Variants in PLCB4 observed in about 807,000 individuals in gnomAD.
PLCB4 encodes phospholipase C beta 4, also known as 1-phosphatidylinositol 4,5-bisphosphate phosphodiesterase beta-4.
A neutral mutation model predicts 178.8 loss-of-function variants in PLCB4; 77 were observed. The observed-to-expected ratio is 0.43, with a 90% CI of 0.36 to 0.52. The LOEUF (loss-of-function observed/expected upper bound fraction) is 0.52. Among genes scored for constraint, PLCB4 ranks in the 20% least tolerant of loss-of-function variants. The pLI is 0.00. For synonymous variants in PLCB4, 496 were observed against 490.8 expected (o/e 1.01, Z -0.14); for missense variants, 1,024 against 1,453.4 (o/e 0.70, Z 4.80).
At chr20:9,256,895 G>C (rs896436162) in intron 3 of PLCB4, among the ~76,000 whole-genome samples, 2 of 152,184 alleles carry the variant, frequency 1.3e-5, no homozygotes, top group African/African-American at 4.8e-5. Context: ...AGTATGCTGA[G>C]TAGCAAGGCT....
intron 3 of PLCB4, among the ~76,000 whole-genome samples, chr20:9,258,428 A>G (rs1569030364): frequency 6.6e-6 from 1 of 152,062 alleles, no homozygotes; most frequent in Non-Finnish European, 1.5e-5. Context: ...CACAAAGATA[A>G]TTTCTAGGCC....
chr20:9,075,142 A>AATTAATC (rs900904232), intron 1 of PLCB4, among the ~76,000 whole-genome samples: 4 of 152,296 alleles, frequency 2.6e-5, no homozygotes, highest in Non-Finnish European at 5.9e-5. Context: ...GGAGATGTTA[A>AATTAATC]ATTAATCATC....
chr20:9,288,094 TA>T (rs1267142726), intron 3 of PLCB4, among the ~76,000 whole-genome samples: 11 of 152,160 alleles, frequency 7.2e-5, no homozygotes, highest in Non-Finnish European at 1.5e-4. Flanking sequence ...GAGCTCAGAT[TA>T]AGTCTGAAAT....
At chr20:9,470,973 T>C (rs1166097897) in intron 36 of PLCB4, among the ~76,000 whole-genome samples, 1 of 152,212 alleles carries the variant, frequency 6.6e-6, no homozygotes, top group Non-Finnish European at 1.5e-5. Context: ...GTATCCACTT[T>C]ATCAAACTGA....
chr20:9,468,967 T>A, intron 36 of PLCB4, among the ~76,000 whole-genome samples: 1 of 150,842 alleles, frequency 6.6e-6, no homozygotes, highest in East Asian at 2.1e-4. Flanking sequence ...TTCTTTTTTT[T>A]ATTTTATTCA....
At chr20:9,158,784 G>C (rs924169601) in intron 2 of PLCB4, among the ~76,000 whole-genome samples, 1 of 152,150 alleles carries the variant, frequency 6.6e-6, no homozygotes, top group African/African-American at 2.4e-5. Flanking sequence ...TATTGAGACA[G>C]AGAGATTTTA....
intron 3 of PLCB4, among the ~76,000 whole-genome samples, chr20:9,239,550 T>G (rs945515305): frequency 5.8e-4 from 88 of 152,294 alleles, no homozygotes; most frequent in African/African-American, 2.0e-3. Context: ...AAAACTGTAT[T>G]TTTGTGGACA....
chr20:9,299,892 C>A (rs1226046203), intron 3 of PLCB4, among the ~76,000 whole-genome samples: 1 of 151,846 alleles, frequency 6.6e-6, no homozygotes. Flanking sequence ...ATGCCCTCAC[C>A]CCATCCATCA....
rs78014201 is a variant in PLCB4, at chr20:9,405,094, T to C, written c.1612-219T>C. Among the ~76,000 whole-genome samples, 74 of 152,324 alleles carry C rather than the reference T, an allele frequency of 4.9e-4. No homozygotes were observed. The East Asian group carries it at 0.011, about 23-fold the overall frequency. ...ATAAAACATCTAAGTAGGTAAAGACTGTCCACGAAGGAGGGAAAGAGCATT... is the reference window on the plus strand; with the variant it reads ...ATAAAACATCTAAGTAGGTAAAGACCGTCCACGAAGGAGGGAAAGAGCATT... On this transcript the variant is annotated intron_variant, in intron 20 of 39. Coordinates refer to ENST00000378473, the MANE Select transcript of PLCB4 (RefSeq NM_001377142.1).
intron 2 of PLCB4, among the ~76,000 whole-genome samples, chr20:9,131,066 ACT>A (rs773109842): frequency 6.6e-6 from 1 of 150,594 alleles, no homozygotes; most frequent in Non-Finnish European, 1.5e-5. Flanking sequence ...GCATAACTTG[ACT>A]CTTTTTTTTT....
chr20:9,184,626 T>C (rs1324803014), intron 2 of PLCB4, among the ~76,000 whole-genome samples: 1 of 149,838 alleles, frequency 6.7e-6, no homozygotes, highest in African/African-American at 2.4e-5. Flanking sequence ...AAAAAACCTC[T>C]GGTTTTTATG....
chr20:9,170,282 AC>A (rs527465454), intron 2 of PLCB4, among the ~76,000 whole-genome samples: 38 of 152,348 alleles, frequency 2.5e-4, no homozygotes, highest in African/African-American at 8.2e-4. Flanking sequence ...GTTGTACAAC[AC>A]TTTCTTACAA....
intron 7 of PLCB4, among the ~76,000 whole-genome samples, chr20:9,349,272 T>G (rs1437612015): frequency 6.6e-6 from 1 of 152,154 alleles, no homozygotes. Flanking sequence ...GGAAACTGCA[T>G]GCCCAATAAG....
intron 35 of PLCB4, among the ~76,000 whole-genome samples, chr20:9,460,622 C>T (rs1432633981): frequency 6.6e-6 from 1 of 152,210 alleles, no homozygotes; most frequent in South Asian, 2.1e-4. Flanking sequence ...ATCTTTTTAT[C>T]ATAGCTCGGT....
intron 2 of PLCB4, among the ~76,000 whole-genome samples, chr20:9,112,321 C>T (rs1006785181): frequency 6.8e-6 from 1 of 147,806 alleles, no homozygotes; most frequent in Non-Finnish European, 1.5e-5. Flanking sequence ...AGTGGATGAT[C>T]TCAGCTCACT....
At chr20:9,457,661 T>C (rs2043139994) in intron 34 of PLCB4, among the ~76,000 whole-genome samples, 172 bp downstream of exon 34, 1 of 152,200 alleles carries the variant, frequency 6.6e-6, no homozygotes, top group Non-Finnish European at 1.5e-5. Context: ...TCAGACTCAC[T>C]GGCTTTAAGA....
chr20:9,144,689 GAGGAGGGGAAGGAGGGGA>G (rs1568831248), intron 2 of PLCB4, among the ~76,000 whole-genome samples: 1 of 102,824 alleles, frequency 9.7e-6, no homozygotes, highest in African/African-American at 3.9e-5. Flanking sequence ...GAAGGAGGGG[GAGGAGGGGAAGGAGGGGA>G]AGAAGGGGAA....
intron 36 of PLCB4, among the ~76,000 whole-genome samples, chr20:9,469,751 C>G (rs1382767528): frequency 1.3e-5 from 2 of 152,314 alleles, no homozygotes; most frequent in African/African-American, 4.8e-5. Flanking sequence ...TTTGTGTGTC[C>G]TCTATAGAAG....
At chr20:9,135,219 T>C (rs1475478827) in intron 2 of PLCB4, among the ~76,000 whole-genome samples, 1 of 152,086 alleles carries the variant, frequency 6.6e-6, no homozygotes, top group East Asian at 1.9e-4. Flanking sequence ...GAGCCAAATA[T>C]ACAATTTAAC....
Sources: gnomAD v4.1 joint callset for allele counts (sites outside exome capture counted in the v4.1 genomes callset) on GRCh38, gnomAD v4.1.1 for gene constraint, MANE v1.5 for transcripts, NCBI Gene and HGNC (gene_info 2026-07-23, HGNC 2026-07-21) for gene names.